The following CPSF4 variants were observed in gnomAD, a reference collection of about 807,000 sequenced individuals.
CPSF4 encodes the protein cleavage and polyadenylation specificity factor subunit 4.
A neutral mutation model predicts 37.7 loss-of-function variants in CPSF4; 11 were observed. The observed-to-expected ratio is 0.29, with a 90% CI of 0.18 to 0.48. The LOEUF (loss-of-function observed/expected upper bound fraction) is 0.48. CPSF4 is among the 20% of genes least tolerant of loss of function. The probability of loss-of-function intolerance (pLI) is 0.99; values close to 1 mark genes in which losing one functional copy is unlikely to be tolerated. For missense variants in CPSF4, 144 were observed against 359.5 expected (o/e 0.40, Z 4.85); for synonymous variants, 132 against 135.9 (o/e 0.97, Z 0.20).
rs765549723 is a variant in CPSF4, at chr7:99,444,848, C to T, written c.154+9C>T. On this transcript the variant is annotated intron_variant, in intron 2 of 7. Coordinates refer to ENST00000292476, the MANE Select transcript of CPSF4 (RefSeq NM_006693.4). ...AGCTGCCTGCGGCAAAGGTAAGAAA[C>T]TCCGGGCTCCCTGATGTGCCTCCGG... is the stretch of plus-strand genomic sequence containing the variant. The T allele has an allele frequency of 6.2e-7, 1 of 1,613,318 alleles. No individual in the cohort carries two copies. The highest frequency in any genetic ancestry group is 1.7e-5 in the Admixed American group (1 of 60,002).
chr7:99,443,621 G>A (rs911726523), intron 1 of CPSF4: 8 of 501,884 alleles, frequency 1.6e-5, no homozygotes, highest in African/African-American at 1.6e-4. Flanking sequence ...AGACCAGCCT[G>A]TAATAATTGT....
In CPSF4 at chr7:99,452,334, C is replaced by G. The variant is rs571436369; in HGVS notation, c.498-34C>G. 136 of 1,594,014 alleles carry G rather than the reference C, an allele frequency of 8.5e-5. 2 individuals are homozygous for G. In the South Asian group the frequency reaches 1.4e-3, roughly 17 times the overall value. On this transcript the variant is annotated intron_variant, in intron 5 of 7. Coordinates refer to ENST00000292476, the MANE Select transcript of CPSF4 (RefSeq NM_006693.4). ...CTCATCCCCTGACCCCACTCCTTCTCTTGTTCTCATCCCCTCTGGCTGCTG... is the reference window on the plus strand; with the variant it reads ...CTCATCCCCTGACCCCACTCCTTCTGTTGTTCTCATCCCCTCTGGCTGCTG...
At chr7:99,452,541 A>G in intron 6 of CPSF4, 101 bp downstream of exon 6, 1 of 1,052,286 alleles carries the variant, frequency 9.5e-7, no homozygotes, top group Non-Finnish European at 1.5e-6. Context: ...CCCGCTGGAC[A>G]ACTTGGGAGA....
intron 1 of CPSF4, among the ~76,000 whole-genome samples, chr7:99,442,239 G>A (rs1797049042): frequency 6.6e-6 from 1 of 152,108 alleles, no homozygotes; most frequent in South Asian, 2.1e-4. Context: ...TGGCAGCTGG[G>A]GCTGGTGAAT....
At chr7:99,442,756 G>T (rs778144472) in intron 1 of CPSF4, 1 of 614,940 alleles carries the variant, frequency 1.6e-6, no homozygotes, top group East Asian at 2.8e-5. Flanking sequence ...TGCCGCGGCA[G>T]TTCACAGTTT....
intron 2 of CPSF4, 173 bp from the exon 3 acceptor site, chr7:99,447,948 G>A (rs912514195): frequency 4.7e-6 from 3 of 639,268 alleles, no homozygotes; most frequent in Non-Finnish European, 8.4e-6. Flanking sequence ...TGTCAGTGTA[G>A]TACCTCAAAT....
Position 99,453,847 on chromosome 7 carries a change from T to C in CPSF4, c.571-119T>C. 1.1e-6 allele frequency: 1 copy of C among 922,404 alleles called. No homozygotes were observed. Among genetic ancestry groups the C allele is most frequent in the Middle Eastern group, 2.3e-4 (1 of 4,432 alleles). 57.1% of individuals were successfully genotyped at this position (922,404 alleles called of 1,614,324 possible). On this transcript the variant is annotated intron_variant, in intron 6 of 7. Coordinates refer to ENST00000292476, the MANE Select transcript of CPSF4 (RefSeq NM_006693.4). This position sits in a 1 kb window ranked among gnomAD's most constrained non-coding sequence, Gnocchi z 4.7. ...CCCACTGTCCTGAGGTGGGCCGTCG[T>C]GGAAGCCCTGCTTCCTGCCGTTTGC...
intron 1 of CPSF4, among the ~76,000 whole-genome samples, chr7:99,444,248 A>G (rs1348318911): frequency 1.3e-5 from 2 of 151,918 alleles, no homozygotes; most frequent in Non-Finnish European, 2.9e-5. Flanking sequence ...CCTGAAGTCA[A>G]GAGTTCGAGA....
At chr7:99,443,960 T>C (rs900155061) in intron 1 of CPSF4, among the ~76,000 whole-genome samples, 58 of 152,100 alleles carry the variant, frequency 3.8e-4, no homozygotes, top group African/African-American at 1.3e-3. Flanking sequence ...TGTTGCATAT[T>C]AAAAGCAGTC....
At chr7:99,443,200 T>A (rs1341214594) in intron 1 of CPSF4, 3 of 780,534 alleles carry the variant, frequency 3.8e-6, no homozygotes, top group African/African-American at 3.4e-5. Flanking sequence ...TCGGCCCTCT[T>A]CTGCATTCTC....
In CPSF4 at chr7:99,444,795, G is replaced by T; in HGVS notation, c.110G>T (p.Gly37Val). 1.2e-6 allele frequency: 2 copies of T among 1,613,694 alleles called. No individual in the cohort carries two copies. Among genetic ancestry groups the T allele is most frequent in the Non-Finnish European group, 1.7e-6 (2 of 1,179,798 alleles). The change falls in exon 2 of 8, where the codon GGC (glycine) becomes GTC (valine). Residue 37 changes from glycine (G) to valine (V), a missense_variant. By Grantham distance (109) the Gly-to-Val change is moderately radical. Coordinates refer to ENST00000292476, the MANE Select transcript of CPSF4 (RefSeq NM_006693.4). ...TTTTCTCTCCTTTCTACAGAGTCGG[G>T]CGCTGCTGTCTGTGAATTCTTTTTG... The part of the protein sequence containing the change: ...PLPFPGMDKS[G>V]AAVCEFFLKA...
intron 4 of CPSF4, 69 bp downstream of exon 4, chr7:99,450,440 GGCTGCCA>G (rs1381688835): frequency 4.4e-6 from 5 of 1,140,900 alleles, no homozygotes; most frequent in Non-Finnish European, 6.5e-6. Context: ...CGACCCTGGA[GGCTGCCA>G]GCTGGTCTAC....
At chr7:99,440,674 A>ATATATATATATATATTTTTT in intron 1 of CPSF4, among the ~76,000 whole-genome samples, 3 of 88,086 alleles carry the variant, frequency 3.4e-5, no homozygotes, top group African/African-American at 2.9e-4. Context: ...ATATATATAT[A>ATATATATATATATATTTTTT]TTTTTTTTTT....
Position 99,439,194 on chromosome 7 carries a change from G to A in CPSF4, c.103+9G>A. 1 of 1,591,234 alleles carries A rather than the reference G, an allele frequency of 6.3e-7. No homozygotes were observed. The highest frequency in any genetic ancestry group is 8.5e-7 in the Non-Finnish European group (1 of 1,172,366). On this transcript the variant is annotated intron_variant, in intron 1 of 7. Transcript: ENST00000292476. ...CTTCCCCGGCATGGACAGTGAGCGC[G>A]GGGCCCGGGCGGGAGGGCAAGAGCG...
intron 2 of CPSF4, among the ~76,000 whole-genome samples, chr7:99,445,144 C>CAGAGTTAAT: frequency 6.6e-6 from 1 of 152,226 alleles, no homozygotes; most frequent in Admixed American, 6.5e-5. Context: ...CTCAATGTCA[C>CAGAGTTAAT]AGAGTTAATA....
At chr7:99,444,479 G>A (rs1364415647) in intron 1 of CPSF4, among the ~76,000 whole-genome samples, 1 of 151,862 alleles carries the variant, frequency 6.6e-6, no homozygotes, top group Non-Finnish European at 1.5e-5. Context: ...AATTATTTCT[G>A]TGATCTCGTA....
chr7:99,453,887 CCT>C lies in CPSF4; in HGVS notation c.571-76_571-75del, dbSNP rs1258899028. 2.8e-5 allele frequency: 39 copies of C among 1,409,484 alleles called. No homozygotes were observed. Among genetic ancestry groups the C allele is most frequent in the Non-Finnish European group, 3.5e-5 (36 of 1,014,588 alleles). 87.3% of individuals were successfully genotyped at this position (1,409,484 alleles called of 1,614,324 possible). On this transcript the variant is annotated intron_variant, in intron 6 of 7. Coordinates refer to ENST00000292476, the MANE Select transcript of CPSF4 (RefSeq NM_006693.4). This position sits in a 1 kb window ranked among gnomAD's most constrained non-coding sequence, Gnocchi z 4.7. ...CTGCCGTTTGCGGGACGAGTCCCGC[CCT>C]CTTTTTTCCTGTCCCCATCGGTAGT...
intron 1 of CPSF4, chr7:99,442,788 C>A: frequency 1.4e-6 from 1 of 708,300 alleles, no homozygotes; most frequent in Non-Finnish European, 2.5e-6. Context: ...CCTGCTCCCT[C>A]ATTGCAAGGC....
chr7:99,446,599 C>A (rs1368177888), intron 2 of CPSF4, among the ~76,000 whole-genome samples: 1 of 150,012 alleles, frequency 6.7e-6, no homozygotes, highest in African/African-American at 2.5e-5. Flanking sequence ...TGAAATTGGT[C>A]TTTCCTTTTT....
Sources: gnomAD v4.1 joint callset for allele counts (sites outside exome capture counted in the v4.1 genomes callset) on GRCh38, gnomAD v4.1.1 for gene constraint, Gnocchi (gnomAD v3.1) non-coding constraint, MANE v1.5 for transcripts, NCBI Gene and HGNC (gene_info 2026-07-23, HGNC 2026-07-21) for gene names.